The following ATG12 variants were observed in gnomAD, a reference collection of about 807,000 sequenced individuals.
ATG12 encodes the protein autophagy related 12.
ATG12 carries 19 observed loss-of-function variants against 17.6 expected under a neutral mutation model. The observed-to-expected ratio is 1.08, with a 90% CI of 0.75 to 1.58. The LOEUF is 1.58. Ranked by LOEUF, ATG12 falls within the 40% of genes most tolerant of loss-of-function variation. ATG12 has a pLI of 0.00. For missense variants in ATG12, 214 were observed against 162.0 expected, an observed-to-expected ratio of 1.32 and a Z score of -1.74; for synonymous variants, 75 against 62.4, an observed-to-expected ratio of 1.20 and a Z score of -0.95.
In ATG12 at chr5:115,831,836, A is replaced by C. The variant is rs1357949972; in HGVS notation, c.391T>G (p.Leu131Val). 6.2e-7 allele frequency: 1 copy of C among 1,612,704 alleles called. No individual in the cohort carries two copies. Among genetic ancestry groups the C allele is most frequent in the Admixed American group, 1.7e-5 (1 of 59,914 alleles). Residue 131 changes from leucine to valine, a missense_variant, in exon 4 of 4, where the codon TTA becomes GTA. Leu to Val is a conservative substitution (Grantham distance 32). Coordinates refer to ENST00000509910, the MANE Select transcript of ATG12 (RefSeq NM_004707.4). ...CACGCCTGAGACTTGCAGTAATGTA[A>C]AACCAGTTTACCATCACTGCCAAAA... ...ECFGSDGKLV[L>V]HYCKSQAWG
intron 1 of ATG12, among the ~76,000 whole-genome samples, chr5:115,840,214 T>C (rs187318127): frequency 1.3e-5 from 2 of 152,158 alleles, no homozygotes; most frequent in Admixed American, 1.3e-4. Flanking sequence ...GAGTCTGATT[T>C]AAAGTGGGAA....
At position 115,836,528 on chromosome 5, in the gene ATG12, CAG is replaced by C. The variant is rs201249938; in HGVS notation, c.300+1098_300+1099del. Among the ~76,000 whole-genome samples, 1,029 of 152,260 alleles carry C rather than the reference CAG, an allele frequency of 6.8e-3. 12 individuals carry two copies. Among genetic ancestry groups the C allele is most frequent in the African/African-American group, 0.022 (901 of 41,546 alleles). On this transcript the variant is annotated intron_variant, in intron 2 of 3. Transcript: ENST00000509910. ...AGCACTTGCAGCCAAACTCTTAGAT[CAG>C]AGTCAGTTTTTTGCTCCTCCCTGAC...
At chr5:115,837,980 CCTTTT>C (rs948889111) in intron 1 of ATG12, 12 of 420,996 alleles carry the variant, frequency 2.9e-5, no homozygotes, top group African/African-American at 2.3e-4. Context: ...TTTTAAAATG[CCTTTT>C]ATCTTAACAG....
chr5:115,831,684 A>T lies in ATG12; in HGVS notation c.*120T>A. 1 of 881,452 alleles carries T rather than the reference A, an allele frequency of 1.1e-6. No homozygotes were observed. The allele number at this position is 881,452 out of a possible 1,614,324, so 54.6% of individuals were successfully genotyped here. A position where few individuals can be genotyped will look rare whatever the true frequency, so the allele number is the denominator to read the frequency against. On this transcript the variant is annotated 3_prime_UTR_variant, in exon 4 of 4. Coordinates refer to ENST00000509910, the MANE Select transcript of ATG12 (RefSeq NM_004707.4). ...GTTTTCTTATGCATAAACATAGAGTAGACACATACTAAATAGATCACATCT... is the reference window on the plus strand; with the variant it reads ...GTTTTCTTATGCATAAACATAGAGTTGACACATACTAAATAGATCACATCT...
chr5:115,833,473 T>C (rs1366354810), intron 2 of ATG12: 1 of 152,098 alleles, frequency 6.6e-6, no homozygotes, highest in Non-Finnish European at 1.5e-5. Flanking sequence ...TCTTAGCCAA[T>C]ATAGTGTGGT....
chr5:115,828,202 A>G lies in ATG12; in HGVS notation c.*3602T>C, dbSNP rs1440897411. On this transcript the variant is annotated 3_prime_UTR_variant, in exon 4 of 4. Coordinates refer to ENST00000509910, the MANE Select transcript of ATG12 (RefSeq NM_004707.4). ...TGACTCCAAGAACAGGGACTTTATT[A>G]GTCTCTTATGAGCTTTATTAGTGTT... is the stretch of plus-strand genomic sequence containing the variant. The G allele has an allele frequency of 1.3e-5, 2 of 152,192 alleles. No homozygotes were observed. The highest frequency in any genetic ancestry group is 2.9e-5 in the Non-Finnish European group (2 of 68,010). The allele number at this position is 152,192 out of a possible 1,614,324, so 9.4% of individuals were successfully genotyped here.
Position 115,841,453 on chromosome 5 carries a change from G to A in ATG12, c.100C>T (p.Pro34Ser). The A allele has an allele frequency of 2.5e-6, 4 of 1,610,592 alleles. No individual in the cohort carries two copies. The highest frequency in any genetic ancestry group is 1.7e-6 in the Non-Finnish European group (2 of 1,179,150). Residue 34 changes from proline (P) to serine (S), a missense_variant, in exon 1 of 4, where the codon CCC (proline) becomes TCC (serine). Transcript: ENST00000509910. The part of the protein sequence containing the change: ...DVSPETTTPE[P>S]PSSAAVSPGT... ...GGGGAAACTGCAGCGGAAGACGGGGGCTCCGGGGTGGTTGTTTCTGGGGAG... is the reference window on the plus strand; with the variant it reads ...GGGGAAACTGCAGCGGAAGACGGGGACTCCGGGGTGGTTGTTTCTGGGGAG...
rs935560210 is a variant in ATG12 at position 115,832,879 on chromosome 5, A to G, written c.301-215T>C. 42 of 416,440 alleles carry G rather than the reference A, an allele frequency of 1.0e-4. No homozygotes were observed. The East Asian group carries it at 1.5e-3, about 15-fold the overall frequency. The allele number at this position is 416,440 out of a possible 1,614,324, so 25.8% of individuals were successfully genotyped here. A position where few individuals can be genotyped will look rare whatever the true frequency, so the allele number is the denominator to read the frequency against. ...TAAAAATAACACAATTCCAGTTCCT[A>G]GAACAGTGGTTCCTAACTTTGTATA... On this transcript the variant is annotated intron_variant, in intron 2 of 3. Transcript: ENST00000509910.
chr5:115,840,015 A>G (rs1316064929), intron 1 of ATG12, among the ~76,000 whole-genome samples: 3 of 152,212 alleles, frequency 2.0e-5, no homozygotes, highest in African/African-American at 7.2e-5. Context: ...CACAGCTATC[A>G]TCAGAGTCAA....
chr5:115,836,916 G>C (rs138255935), intron 2 of ATG12, among the ~76,000 whole-genome samples: 1 of 152,142 alleles, frequency 6.6e-6, no homozygotes, highest in Non-Finnish European at 1.5e-5. Flanking sequence ...AGTGCTTAAC[G>C]TGTACTGTTA....
chr5:115,831,982 T>C (rs562567892), intron 3 of ATG12, 119 bp from the exon 4 acceptor site: 2 of 889,458 alleles, frequency 2.2e-6, no homozygotes, highest in Admixed American at 2.4e-5. Flanking sequence ...TTACCTATGT[T>C]ACAGGCTATC....
intron 2 of ATG12, chr5:115,833,617 T>C (rs1760975905): frequency 6.6e-6 from 1 of 152,136 alleles, no homozygotes; most frequent in Admixed American, 6.5e-5. Flanking sequence ...AAAGACAAAA[T>C]GAGATAATAC....
intron 1 of ATG12, 73 bp downstream of exon 1, chr5:115,841,317 T>G (rs26537): frequency 6.3e-7 from 1 of 1,591,886 alleles, no homozygotes; most frequent in African/African-American, 1.4e-5. Context: ...ATTTTGCTTC[T>G]TTACTGGCCG....
chr5:115,835,474 C>T (rs1489185841), intron 2 of ATG12, among the ~76,000 whole-genome samples: 1 of 152,152 alleles, frequency 6.6e-6, no homozygotes, highest in Non-Finnish European at 1.5e-5. Context: ...TTTCCAGGCT[C>T]TGTTCCCCAC....
intron 2 of ATG12, chr5:115,833,856 T>C (rs1339020217): frequency 6.6e-6 from 1 of 152,170 alleles, no homozygotes; most frequent in Non-Finnish European, 1.5e-5. Flanking sequence ...GATTTTACTC[T>C]TGTACATTAT....
At chr5:115,832,361 C>T (rs971790966) in intron 3 of ATG12, among the ~76,000 whole-genome samples, 2 of 151,888 alleles carry the variant, frequency 1.3e-5, no homozygotes, top group South Asian at 4.1e-4. Flanking sequence ...GTAATTTATT[C>T]CTTGGTTCTT....
Position 115,831,568 on chromosome 5 carries a change from G to A in ATG12, c.*236C>T. On this transcript the variant is annotated 3_prime_UTR_variant, in exon 4 of 4. Transcript: ENST00000509910. ...TCTGCAGCAATAATAGTAACAAGTA[G>A]GAGCAATGGGTGTACTATCATGACC... 1 of 564,946 alleles carries A rather than the reference G, an allele frequency of 1.8e-6. No individual in the cohort carries two copies. Among genetic ancestry groups the A allele is most frequent in the Non-Finnish European group, 3.1e-6 (1 of 320,396 alleles). 35.0% of individuals were successfully genotyped at this position (564,946 alleles called of 1,614,324 possible). A position where few individuals can be genotyped will look rare whatever the true frequency, so the allele number is the denominator to read the frequency against.
rs1446775880 is a variant in ATG12, at chr5:115,830,136, A to G, written c.*1668T>C. On this transcript the variant is annotated 3_prime_UTR_variant, in exon 4 of 4. Transcript: ENST00000509910. The stretch of plus-strand genomic sequence containing the variant: ...CTGTCTCTTTAAAAAAAAAAAAAAA[A>G]AAAAAAAGTGCAAAGTCCTATGTAT... 6.6e-6 allele frequency: 1 copy of G among 151,648 alleles called. No individual in the cohort carries two copies. Among genetic ancestry groups the G allele is most frequent in the Non-Finnish European group, 1.5e-5 (1 of 67,910 alleles). The allele number at this position is 151,648 out of a possible 1,614,324, so 9.4% of individuals were successfully genotyped here.
intron 2 of ATG12, among the ~76,000 whole-genome samples, chr5:115,835,762 T>C (rs1761069008): frequency 6.6e-6 from 1 of 152,224 alleles, no homozygotes; most frequent in South Asian, 2.1e-4. Context: ...CTTTTCTCAG[T>C]GCCGTCAGAT....
Sources: allele counts gnomAD v4.1 joint callset (sites outside exome capture counted in the v4.1 genomes callset), GRCh38; gene constraint gnomAD v4.1.1; transcripts MANE v1.5; gene names NCBI Gene and HGNC (gene_info 2026-07-23, HGNC 2026-07-21).